Variants in FRMD5 observed in about 807,000 individuals in gnomAD.
The protein encoded by FRMD5 is FERM domain-containing protein 5.
In FRMD5, 20 loss-of-function variants were observed where a neutral mutation model predicts 69.0. The observed-to-expected ratio is 0.29, with a 90% CI of 0.20 to 0.42. The LOEUF is 0.42. Among genes scored for constraint, FRMD5 ranks in the 10% least tolerant of loss-of-function variants. The pLI is 1.00. For missense variants in FRMD5, 595 were observed against 708.6 expected (o/e 0.84, Z 1.82); for synonymous variants, 271 against 260.1 (o/e 1.04, Z -0.40).
chr15:44,106,004 T>C (rs1334388452), intron 1 of FRMD5, among the ~76,000 whole-genome samples: 1 of 152,216 alleles, frequency 6.6e-6, no homozygotes, highest in African/African-American at 2.4e-5. Context: ...TTATAATACC[T>C]AATACAATGT....
intron 1 of FRMD5, among the ~76,000 whole-genome samples, chr15:44,116,203 T>C (rs2733201): frequency 0.9 from 134,926 of 149,242 alleles, 61,483 homozygotes; most frequent in East Asian, 1. Context: ...TATACATATA[T>C]AACTATATAT....
intron 1 of FRMD5, among the ~76,000 whole-genome samples, chr15:43,935,097 T>C (rs574964638): frequency 1.1e-4 from 17 of 152,254 alleles, no homozygotes; most frequent in African/African-American, 2.6e-4. Context: ...ACAAGTACCA[T>C]TGGGTCCCTC....
At chr15:43,888,000 C>G (rs576121045) in intron 10 of FRMD5, among the ~76,000 whole-genome samples, 175 bp downstream of exon 10, 2 of 152,280 alleles carry the variant, frequency 1.3e-5, no homozygotes, top group African/African-American at 4.8e-5. Flanking sequence ...TTACAAAATC[C>G]CTTTGGTAGG....
intron 5 of FRMD5, among the ~76,000 whole-genome samples, chr15:43,908,846 G>T (rs956899535): frequency 6.6e-6 from 1 of 152,128 alleles, no homozygotes; most frequent in Non-Finnish European, 1.5e-5. Flanking sequence ...TCAACTTTGA[G>T]CACACTGAAC....
Position 44,038,666 on chromosome 15 carries a change from T to C in FRMD5, c.103-114357A>G, listed in dbSNP as rs1257564463. On this transcript the variant is annotated intron_variant, in intron 1 of 13. Transcript: ENST00000417257. The stretch of plus-strand genomic sequence containing the variant: ...CAACTGAGGTACCCAGTTCATCTCA[T>C]TGGGACTGGTTGGACAGTGGGTGCA... Among the ~76,000 whole-genome samples, 10 of 151,932 alleles carry C rather than the reference T, an allele frequency of 6.6e-5. No homozygotes were observed. In the East Asian group the frequency reaches 9.7e-4, roughly 15 times the overall value.
chr15:44,106,679 A>G (rs1020874343), intron 1 of FRMD5, among the ~76,000 whole-genome samples: 1 of 152,152 alleles, frequency 6.6e-6, no homozygotes, highest in African/African-American at 2.4e-5. Context: ...CGTGGTGTGT[A>G]AGATCTCTGC....
In FRMD5 at chr15:43,902,416, C is replaced by T. The variant is rs543482889; in HGVS notation, c.552-154G>A. ...TGGTTCTAGGACCAACTTCGAGACT[C>T]CTGCTAGAGTCTCTGACTGTCTTCA... On this transcript the variant is annotated intron_variant, in intron 6 of 13. Transcript: ENST00000417257. 2.6e-5 allele frequency among the ~76,000 whole-genome samples: 4 copies of T among 152,246 alleles called. No individual in the cohort carries two copies. The East Asian group carries it at 7.7e-4, about 29-fold the overall frequency.
chr15:44,131,394 TAA>T (rs11304212), intron 1 of FRMD5, among the ~76,000 whole-genome samples: 27 of 151,420 alleles, frequency 1.8e-4, no homozygotes, highest in Admixed American at 1.3e-3. Flanking sequence ...CGGCAATTCC[TAA>T]AAAAAAAATC....
At chr15:44,038,054 T>G (rs935404721) in intron 1 of FRMD5, among the ~76,000 whole-genome samples, 5 of 152,374 alleles carry the variant, frequency 3.3e-5, no homozygotes, top group African/African-American at 1.2e-4. Context: ...TGACCAGTGA[T>G]GATGAGCTTT....
rs139214561 is a variant in FRMD5 at position 43,972,952 on chromosome 15, G to A, written c.103-48643C>T. Among the ~76,000 whole-genome samples the A allele has an allele frequency of 1.7e-4, 26 of 152,254 alleles. No homozygotes were observed. In the East Asian group the frequency reaches 2.9e-3, roughly 17 times the overall value. The stretch of plus-strand genomic sequence containing the variant: ...TTCCAAGTCTTCCCTTCCCCAGGCC[G>A]AATATCTAATTCTTATGACTGGATC... On this transcript the variant is annotated intron_variant, in intron 1 of 13. Coordinates refer to ENST00000417257, the MANE Select transcript of FRMD5 (RefSeq NM_032892.5).
intron 1 of FRMD5, among the ~76,000 whole-genome samples, chr15:43,956,786 T>G (rs1454291754): frequency 2.0e-5 from 3 of 152,238 alleles, no homozygotes; most frequent in Non-Finnish European, 4.4e-5. Context: ...TTCATGAATT[T>G]CAGAAGAAGT....
At chr15:44,138,296 G>A (rs1368510894) in intron 1 of FRMD5, among the ~76,000 whole-genome samples, 3 of 152,084 alleles carry the variant, frequency 2.0e-5, no homozygotes, top group East Asian at 1.9e-4. Context: ...AGGAAAAATA[G>A]CCATAAAACA....
intron 1 of FRMD5, among the ~76,000 whole-genome samples, chr15:43,945,723 T>A (rs1000957115): frequency 5.9e-5 from 9 of 152,252 alleles, no homozygotes; most frequent in African/African-American, 2.2e-4. Context: ...GAGGGCACAT[T>A]GCACCATAGA....
At chr15:43,984,982 GA>G (rs10719107) in intron 1 of FRMD5, among the ~76,000 whole-genome samples, 119,605 of 141,532 alleles carry the variant, frequency 0.85, 51,963 homozygotes, top group Non-Finnish European at 0.94. Flanking sequence ...ACTCTGTCTA[GA>G]AAAAAAAAAA....
chr15:44,081,201 C>G (rs1266618634), intron 1 of FRMD5, among the ~76,000 whole-genome samples: 1 of 152,080 alleles, frequency 6.6e-6, no homozygotes, highest in African/African-American at 2.4e-5. Context: ...AAAAAAAATT[C>G]ATTACACTCC....
At chr15:44,098,570 C>T (rs1361375647) in intron 1 of FRMD5, among the ~76,000 whole-genome samples, 1 of 150,310 alleles carries the variant, frequency 6.7e-6, no homozygotes, top group Non-Finnish European at 1.5e-5. Flanking sequence ...GAAAAGCAAT[C>T]TATGACTTAG....
At chr15:43,917,078 C>A (rs1006244805) in intron 4 of FRMD5, among the ~76,000 whole-genome samples, 1 of 152,010 alleles carries the variant, frequency 6.6e-6, no homozygotes, top group Admixed American at 6.6e-5. Flanking sequence ...CCACGCCTGG[C>A]GGAAAATTGT....
intron 1 of FRMD5, among the ~76,000 whole-genome samples, chr15:44,066,103 T>A (rs909286103): frequency 6.6e-6 from 1 of 152,200 alleles, no homozygotes; most frequent in Non-Finnish European, 1.5e-5. Flanking sequence ...ACCTTCTCAG[T>A]TTCACCTCCC....
intron 1 of FRMD5, among the ~76,000 whole-genome samples, chr15:44,125,932 T>C (rs924533990): frequency 1.3e-5 from 2 of 152,214 alleles, no homozygotes; most frequent in African/African-American, 2.4e-5. Flanking sequence ...CGAGTCTATC[T>C]AAAAGCAATA....
Sources: gnomAD v4.1 joint callset for allele counts (sites outside exome capture counted in the v4.1 genomes callset) on GRCh38, gnomAD v4.1.1 for gene constraint, MANE v1.5 for transcripts, NCBI Gene and HGNC (gene_info 2026-07-23, HGNC 2026-07-21) for gene names.